Variants in PCDH15 observed in about 807,000 individuals in gnomAD.
PCDH15 encodes protocadherin-15.
Under a neutral mutation model 178.5 loss-of-function variants are expected in PCDH15, and 129 were observed. The observed-to-expected ratio is 0.72, with a 90% CI of 0.63 to 0.84. The LOEUF (loss-of-function observed/expected upper bound fraction) is 0.84. Ranked by LOEUF, PCDH15 falls within the 40% of genes least tolerant of loss-of-function variation. PCDH15 has a pLI of 0.00. For missense variants in PCDH15, 2,230 were observed against 2,099.9 expected (o/e 1.06, Z -1.21); for synonymous variants, 800 against 732.0 (o/e 1.09, Z -1.50).
intron 1 of PCDH15, among the ~76,000 whole-genome samples, chr10:55,236,087 C>T (rs577971198): frequency 6.6e-6 from 1 of 151,616 alleles, no homozygotes; most frequent in Non-Finnish European, 1.5e-5. Context: ...TATTCTCTGT[C>T]CTGCTGTTTT....
At chr10:54,234,132 C>CTGTGTGTGTGTGTGTGTGTGTGTG (rs35466519) in intron 9 of PCDH15, among the ~76,000 whole-genome samples, 1 of 138,466 alleles carries the variant, frequency 7.2e-6, no homozygotes, top group Non-Finnish European at 1.6e-5. Context: ...ATATCCCCTT[C>CTGTGTGTGTGTGTGTGTGTGTGTG]TGTGTGTGTG....
At chr10:54,675,066 C>G (rs888542262) in intron 1 of PCDH15, among the ~76,000 whole-genome samples, 8 of 152,036 alleles carry the variant, frequency 5.3e-5, no homozygotes, top group Admixed American at 5.2e-4. Context: ...TAGTCGTTCT[C>G]TCTCTTAGTG....
At chr10:54,842,059 G>A (rs986626064) in intron 3 of PCDH15, among the ~76,000 whole-genome samples, 1 of 151,812 alleles carries the variant, frequency 6.6e-6, no homozygotes, top group African/African-American at 2.4e-5. Flanking sequence ...AAGATCTTTA[G>A]TTATATCGAG....
At chr10:53,870,582 T>C (rs2079767819) in intron 26 of PCDH15, among the ~76,000 whole-genome samples, 1 of 152,188 alleles carries the variant, frequency 6.6e-6, no homozygotes, top group Non-Finnish European at 1.5e-5. Context: ...CTCAAGTATG[T>C]TCAGTTGAAT....
intron 32 of PCDH15, chr10:53,821,231 A>ATAC: frequency 1.0e-6 from 1 of 983,168 alleles, no homozygotes; most frequent in Non-Finnish European, 1.2e-6. Flanking sequence ...ATCCATAAGC[A>ATAC]TACTACTAAG....
chr10:54,345,111 T>C (rs1943028230), intron 6 of PCDH15, among the ~76,000 whole-genome samples: 1 of 151,698 alleles, frequency 6.6e-6, no homozygotes, highest in South Asian at 2.1e-4. Context: ...TTTTCTAATA[T>C]GACCCAAATC....
chr10:54,792,322 T>G (rs1472338563), intron 1 of PCDH15, among the ~76,000 whole-genome samples: 1 of 151,908 alleles, frequency 6.6e-6, no homozygotes, highest in Admixed American at 6.6e-5. Context: ...AGCAGATTTT[T>G]CACAAATGAC....
chr10:55,156,365 T>G (rs1564845562), intron 2 of PCDH15, among the ~76,000 whole-genome samples: 1 of 152,128 alleles, frequency 6.6e-6, no homozygotes, highest in Non-Finnish European at 1.5e-5. Context: ...GGTTGTGGTC[T>G]TTGGTATAGG....
chr10:54,425,424 G>C (rs973846060), intron 3 of PCDH15, among the ~76,000 whole-genome samples: 2 of 152,068 alleles, frequency 1.3e-5, no homozygotes, highest in Non-Finnish European at 2.9e-5. Context: ...AAGCAAGAAG[G>C]CTCTCAAAAG....
chr10:54,522,163 T>C (rs528635080), intron 3 of PCDH15, among the ~76,000 whole-genome samples: 12 of 152,056 alleles, frequency 7.9e-5, no homozygotes, highest in Non-Finnish European at 1.8e-4. Context: ...GTTGTGAATT[T>C]GAATTTTTAA....
At chr10:55,216,010 T>C (rs1287453186) in intron 1 of PCDH15, among the ~76,000 whole-genome samples, 1 of 151,944 alleles carries the variant, frequency 6.6e-6, no homozygotes. Context: ...TTTGATTCCA[T>C]TTGCAGGTCT....
exon 2 of PCDH15, chr10:55,627,695 C>A (rs1168636917): frequency 2.0e-5 from 3 of 152,124 alleles, no homozygotes; most frequent in Non-Finnish European, 4.4e-5. Flanking sequence ...CGTAGGGATC[C>A]CGAGCAGCCA....
intron 4 of PCDH15, among the ~76,000 whole-genome samples, chr10:54,371,971 G>GA (rs922045870): frequency 4.0e-5 from 6 of 151,700 alleles, no homozygotes; most frequent in Non-Finnish European, 7.4e-5. Context: ...AAAGACCATT[G>GA]AAAAAGACTA....
intron 22 of PCDH15, 131 bp downstream of exon 22, chr10:53,961,621 A>G: frequency 3.1e-6 from 2 of 647,830 alleles, no homozygotes; most frequent in Non-Finnish European, 4.7e-6. Flanking sequence ...CTAAGAGAAA[A>G]AAAAATTGTA....
At position 54,132,935 on chromosome 10, in the gene PCDH15, C is replaced by G. The variant is rs2133061046; in HGVS notation, c.1857G>C (p.Leu619=). 8.1e-6 allele frequency: 13 copies of G among 1,614,052 alleles called. No homozygotes were observed. Among genetic ancestry groups the G allele is most frequent in the Non-Finnish European group, 1.1e-5 (13 of 1,180,002 alleles). The change falls in exon 15 of 38, where the codon CTG becomes CTC. Residue 619 remains leucine (L), a synonymous_variant. Coordinates refer to ENST00000644397, the MANE Select transcript of PCDH15 (RefSeq NM_001384140.1). The part of the protein sequence containing the change: ...NNQSPPRFPQ[L]MYSLEISEAM... The stretch of plus-strand genomic sequence containing the variant: ...CTTCACTAATTTCAAGGCTATACAT[C>G]AGCTGTGGGAAGCGAGGAGGGCTTT...
rs1169589773 is a variant in PCDH15, at chr10:53,840,457, G to A, written c.3846C>T (p.Ala1282=). ...DRYVQEQIPG[A]KVVVESIGAR... ...CTCCAATGGACTCCACTACGACCTTGGCACCAGGAATTTGTTCCTGAACAT... is the reference window on the plus strand; with the variant it reads ...CTCCAATGGACTCCACTACGACCTTAGCACCAGGAATTTGTTCCTGAACAT... Residue 1282 remains alanine, a synonymous_variant, in exon 29 of 38, where the codon GCC becomes GCT. Coordinates refer to ENST00000644397, the MANE Select transcript of PCDH15 (RefSeq NM_001384140.1). 6.2e-7 allele frequency: 1 copy of A among 1,614,032 alleles called. No homozygotes were observed. The highest frequency in any genetic ancestry group is 1.3e-5 in the African/African-American group (1 of 74,996).
At chr10:55,191,777 T>A (rs935253680) in intron 1 of PCDH15, among the ~76,000 whole-genome samples, 3 of 151,846 alleles carry the variant, frequency 2.0e-5, no homozygotes, top group Non-Finnish European at 4.4e-5. Flanking sequence ...CAACTATTGT[T>A]TTCAGTAGCC....
intron 1 of PCDH15, among the ~76,000 whole-genome samples, chr10:55,182,982 A>T (rs1170378320): frequency 6.6e-6 from 1 of 151,984 alleles, no homozygotes; most frequent in Non-Finnish European, 1.5e-5. Flanking sequence ...AGAAACATGT[A>T]GCACTACCCT....
chr10:54,880,856 T>A (rs754453529), intron 3 of PCDH15, among the ~76,000 whole-genome samples: 6 of 151,286 alleles, frequency 4.0e-5, no homozygotes, highest in Admixed American at 6.7e-5. Flanking sequence ...CATAGGATTT[T>A]TTAAAACTTG....
Sources: gnomAD v4.1 joint callset for allele counts (sites outside exome capture counted in the v4.1 genomes callset) on GRCh38, gnomAD v4.1.1 for gene constraint, MANE v1.5 for transcripts, NCBI Gene and HGNC (gene_info 2026-07-23, HGNC 2026-07-21) for gene names.